The following GPER1 variants were observed in gnomAD, a reference collection of about 807,000 sequenced individuals.
The protein encoded by GPER1 is G protein-coupled estrogen receptor 1, also known as G protein-coupled receptor 30.
GPER1 carries 2 observed loss-of-function variants against 0.6 expected under a neutral mutation model. The observed-to-expected ratio is 3.41, with a 90% CI of 1.39 to 10.72. The LOEUF (loss-of-function observed/expected upper bound fraction) is 10.72, where lower values mean the gene tolerates loss of function less well. Among genes scored for constraint, GPER1 ranks in the 30% most tolerant of loss-of-function variants. The probability of loss-of-function intolerance (pLI) is 0.04; values close to 1 mark genes in which losing one functional copy is unlikely to be tolerated. For missense variants in GPER1, 441 were observed against 535.2 expected, an observed-to-expected ratio of 0.82 and a Z score of 1.74; for synonymous variants, 263 against 247.6, an observed-to-expected ratio of 1.06 and a Z score of -0.58.
chr7:1,087,239 C>T (rs1412209089), upstream of GPER1: 2 of 152,210 alleles, frequency 1.3e-5, no homozygotes, highest in African/African-American at 4.8e-5. Flanking sequence ...AACATCTGGA[C>T]GGCAGGTAAG....
chr7:1,092,564 TC>T lies in GPER1; in HGVS notation c.837del (p.Ser280AlafsTer40). 1 of 1,610,538 alleles carries T rather than the reference TC, an allele frequency of 6.2e-7. No individual in the cohort carries two copies. Among genetic ancestry groups the T allele is most frequent in the East Asian group, 2.2e-5 (1 of 44,888 alleles). ...FVCWLPENVF[I>X]SVHLLQRTQP... ...TGCTGGCTGCCGGAGAACGTCTTCA[TC>T]AGCGTGCACCTCCTGCAGCGGACGC... On this transcript the variant is annotated frameshift_variant, in exon 2 of 2. Transcript: ENST00000397088. LOFTEE classifies it high-confidence loss of function.
At chr7:1,089,283 C>T (rs1787695681) in intron 1 of GPER1, among the ~76,000 whole-genome samples, 1 of 152,218 alleles carries the variant, frequency 6.6e-6, no homozygotes, top group Non-Finnish European at 1.5e-5. Flanking sequence ...TCAAATTCAC[C>T]AGCCCCAGCT....
rs1012863950 is a variant in GPER1 at position 1,090,414 on chromosome 7, C to T, written c.-322-993C>T. Among the ~76,000 whole-genome samples, 9 of 152,296 alleles carry T rather than the reference C, an allele frequency of 5.9e-5. No individual in the cohort carries two copies. The South Asian group carries it at 8.3e-4, about 14-fold the overall frequency. ...GGACCCTCCCCACTGGCGGCAGAGCCGGGGTGACACGGGGCAGGTGACAGG... is the reference window on the plus strand; with the variant it reads ...GGACCCTCCCCACTGGCGGCAGAGCTGGGGTGACACGGGGCAGGTGACAGG... On this transcript the variant is annotated intron_variant, in intron 1 of 1. Transcript: ENST00000397088.
In GPER1 at chr7:1,088,697, C is replaced by CCA. The variant is rs370328156; in HGVS notation, c.-323+380_-323+381dup. Among the ~76,000 whole-genome samples the CCA allele has an allele frequency of 5.4e-3, 826 of 152,294 alleles. 8 individuals carry two copies. The highest frequency in any genetic ancestry group is 0.019 in the African/African-American group (784 of 41,548). On this transcript the variant is annotated intron_variant, in intron 1 of 1. Transcript: ENST00000397088. The surrounding 1 kb of genome is among the most constrained non-coding windows in gnomAD (Gnocchi z 4.5). ...CACCAACCCTGAAGCCCTGGGAGGG[C>CCA]CACACGCCTTTTGACAGATGCAGAC...
chr7:1,091,794 G>T lies in GPER1; in HGVS notation c.66G>T (p.Ala22=). Residue 22 remains alanine, a synonymous_variant, in exon 2 of 2, where the codon GCG becomes GCT. Transcript: ENST00000397088. ...TGTACCCAGGCACCGCGCAGCCTGC[G>T]GCCCCCAACACCACCTCCCCCGAGC... The part of the protein sequence containing the change: ...LEMYPGTAQP[A]APNTTSPELN... 1 of 1,590,914 alleles carries T rather than the reference G, an allele frequency of 6.3e-7. No homozygotes were observed. Among genetic ancestry groups the T allele is most frequent in the Non-Finnish European group, 8.6e-7 (1 of 1,164,952 alleles).
In GPER1 at chr7:1,093,578, AT is replaced by A. The variant is rs1459346239; in HGVS notation, c.*723del. The A allele has an allele frequency of 2.1e-5, 10 of 471,010 alleles. No homozygotes were observed. The highest frequency in any genetic ancestry group is 4.4e-5 in the Non-Finnish European group (10 of 227,070). The allele number at this position is 471,010 out of a possible 1,614,324, so 29.2% of individuals were successfully genotyped here. A position where few individuals can be genotyped will look rare whatever the true frequency, so the allele number is the denominator to read the frequency against. On this transcript the variant is annotated 3_prime_UTR_variant, in exon 2 of 2. Coordinates refer to ENST00000397088, the MANE Select transcript of GPER1 (RefSeq NM_001098201.3). ...GGTGGTTCAGTCACTGCTTGTTGAC[AT>A]CAACATGGCAATTGCACTCATGTGG...
chr7:1,090,066 C>CA (rs59249705), intron 1 of GPER1, among the ~76,000 whole-genome samples: 2,861 of 134,896 alleles, frequency 0.021, 90 homozygotes, highest in East Asian at 0.18. Flanking sequence ...CCTGGGTGAC[C>CA]AAAAAAAAAA....
In GPER1 at chr7:1,093,584, A is replaced by G. The variant is rs1397001306; in HGVS notation, c.*728A>G. 3 of 471,154 alleles carry G rather than the reference A, an allele frequency of 6.4e-6. No homozygotes were observed. Among genetic ancestry groups the G allele is most frequent in the East Asian group, 6.9e-5 (1 of 14,396 alleles). 29.2% of individuals were successfully genotyped at this position (471,154 alleles called of 1,614,324 possible). A position where few individuals can be genotyped will look rare whatever the true frequency, so the allele number is the denominator to read the frequency against. On this transcript the variant is annotated 3_prime_UTR_variant, in exon 2 of 2. Transcript: ENST00000397088. ...TCAGTCACTGCTTGTTGACATCAAC[A>G]TGGCAATTGCACTCATGTGGACTGG...
In GPER1 at chr7:1,091,531, C is replaced by A; in HGVS notation, c.-198C>A. 1.8e-6 allele frequency: 1 copy of A among 570,048 alleles called. No individual in the cohort carries two copies. The highest frequency in any genetic ancestry group is 2.6e-5 in the South Asian group (1 of 39,064). 35.3% of individuals were successfully genotyped at this position (570,048 alleles called of 1,614,324 possible). A position where few individuals can be genotyped will look rare whatever the true frequency, so the allele number is the denominator to read the frequency against. On this transcript the variant is annotated 5_prime_UTR_variant, in exon 2 of 2. Transcript: ENST00000397088. The stretch of plus-strand genomic sequence containing the variant: ...GGATGCACCATGCCGGTGTGAGGAG[C>A]ATCTGTTCTTCCCACTCTCTGCAGT...
rs1237961847 is a variant in GPER1 at position 1,088,878 on chromosome 7, C to T, written c.-323+557C>T. Among the ~76,000 whole-genome samples the T allele has an allele frequency of 1.3e-5, 2 of 151,950 alleles. No individual in the cohort carries two copies. Among genetic ancestry groups the T allele is most frequent in the African/African-American group, 4.8e-5 (2 of 41,376 alleles). ...ACTAGGTTCCTCTCACCCAGGACCA[C>T]ATCAGACACTAGGACACATCAGACA... is the stretch of plus-strand genomic sequence containing the variant. On this transcript the variant is annotated intron_variant, in intron 1 of 1. Transcript: ENST00000397088. This position sits in a 1 kb window ranked among gnomAD's most constrained non-coding sequence, Gnocchi z 4.5.
rs1788167204 is a variant in GPER1, at chr7:1,092,938, A to T, written c.*82A>T. On this transcript the variant is annotated 3_prime_UTR_variant, in exon 2 of 2. Coordinates refer to ENST00000397088, the MANE Select transcript of GPER1 (RefSeq NM_001098201.3). ...GGTGGACACAAGGCACGGCCACGTC[A>T]TGTCTCTAAACTGCGGTCAGATGTG... 1 of 1,322,164 alleles carries T rather than the reference A, an allele frequency of 7.6e-7. No individual in the cohort carries two copies. Among genetic ancestry groups the T allele is most frequent in the South Asian group, 1.2e-5 (1 of 80,832 alleles). The allele number at this position is 1,322,164 out of a possible 1,614,324, so 81.9% of individuals were successfully genotyped here. A position where few individuals can be genotyped will look rare whatever the true frequency, so the allele number is the denominator to read the frequency against.
At position 1,093,483 on chromosome 7, in the gene GPER1, C is replaced by A; in HGVS notation, c.*627C>A. On this transcript the variant is annotated 3_prime_UTR_variant, in exon 2 of 2. Transcript: ENST00000397088. ...GCGCTGTGCGGCCTCACCAGGCCCA[C>A]GAGGAGCAGCAGCGCTCGGCCCGGA... 1 of 469,858 alleles carries A rather than the reference C, an allele frequency of 2.1e-6. No homozygotes were observed. Among genetic ancestry groups the A allele is most frequent in the South Asian group, 1.5e-5 (1 of 64,548 alleles). 29.1% of individuals were successfully genotyped at this position (469,858 alleles called of 1,614,324 possible).
chr7:1,093,646 A>G lies in GPER1; in HGVS notation c.*790A>G, dbSNP rs1563105166. The G allele has an allele frequency of 2.1e-6, 1 of 471,290 alleles. No homozygotes were observed. Among genetic ancestry groups the G allele is most frequent in the East Asian group, 6.9e-5 (1 of 14,396 alleles). The allele number at this position is 471,290 out of a possible 1,614,324, so 29.2% of individuals were successfully genotyped here. ...CTGCCGTGTGGGTTAGTCGGGTGCCAGGACAATGAAATACTCCAGCACCTG... is the reference window on the plus strand; with the variant it reads ...CTGCCGTGTGGGTTAGTCGGGTGCCGGGACAATGAAATACTCCAGCACCTG... On this transcript the variant is annotated 3_prime_UTR_variant, in exon 2 of 2. Transcript: ENST00000397088.
chr7:1,092,712 G>T lies in GPER1; in HGVS notation c.984G>T (p.Gly328=). 6.2e-7 allele frequency: 1 copy of T among 1,613,500 alleles called. No individual in the cohort carries two copies. Among genetic ancestry groups the T allele is most frequent in the Non-Finnish European group, 8.5e-7 (1 of 1,180,010 alleles). The change falls in exon 2 of 2, where the codon GGG becomes GGT. Residue 328 remains glycine, a synonymous_variant. Transcript: ENST00000397088. ...ACCCCCTCATCTACAGCTTTCTCGG[G>T]GAGACCTTCAGGGACAAGCTGAGGC... ...CLNPLIYSFL[G]ETFRDKLRLY...
Position 1,092,110 on chromosome 7 carries a change from G to T in GPER1, c.382G>T (p.Val128Phe). Reference protein sequence around the residue: ...NLHERYYDIAVLCTFMSLFLQ... With the variant: ...NLHERYYDIAFLCTFMSLFLQ... ...GCACGAGCGGTACTACGACATCGCC[G>T]TCCTGTGCACCTTCATGTCGCTCTT... Residue 128 changes from valine to phenylalanine, a missense_variant, in exon 2 of 2, where the codon GTC becomes TTC. Physicochemically the swap from Val to Phe is conservative, Grantham distance 50. Coordinates refer to ENST00000397088, the MANE Select transcript of GPER1 (RefSeq NM_001098201.3). 1 of 1,613,796 alleles carries T rather than the reference G, an allele frequency of 6.2e-7. No individual in the cohort carries two copies. Among genetic ancestry groups the T allele is most frequent in the South Asian group, 1.1e-5 (1 of 91,088 alleles).
Position 1,092,627 on chromosome 7 carries a change from A to G in GPER1, c.899A>G (p.His300Arg). The G allele has an allele frequency of 6.2e-7, 1 of 1,612,364 alleles. No individual in the cohort carries two copies. Among genetic ancestry groups the G allele is most frequent in the Non-Finnish European group, 8.5e-7 (1 of 1,179,924 alleles). Residue 300 changes from histidine to arginine, a missense_variant, in exon 2 of 2, where the codon CAT becomes CGT. Transcript: ENST00000397088. ...GCTCCCTGCAAGCAGTCTTTCCGCC[A>G]TGCCCACCCCCTCACGGGCCACATT... Reference protein sequence around the residue: ...GAAPCKQSFRHAHPLTGHIVN... With the variant: ...GAAPCKQSFRRAHPLTGHIVN...
At position 1,093,279 on chromosome 7, in the gene GPER1, C is replaced by T. The variant is rs757092660; in HGVS notation, c.*423C>T. 5 of 437,414 alleles carry T rather than the reference C, an allele frequency of 1.1e-5. No homozygotes were observed. Among genetic ancestry groups the T allele is most frequent in the African/African-American group, 6.1e-5 (3 of 49,486 alleles). The allele number at this position is 437,414 out of a possible 1,614,324, so 27.1% of individuals were successfully genotyped here. ...AGGAACCCTAAAGCAAATCTGCCAC[C>T]GTGGGGGAACTGACGCTGGAGATGC... On this transcript the variant is annotated 3_prime_UTR_variant, in exon 2 of 2. Coordinates refer to ENST00000397088, the MANE Select transcript of GPER1 (RefSeq NM_001098201.3).
rs758976064 is a variant in GPER1, at chr7:1,092,850, C to T, written c.1122C>T (p.Ala374=). 26 of 1,611,646 alleles carry T rather than the reference C, an allele frequency of 1.6e-5. No homozygotes were observed. Among genetic ancestry groups the T allele is most frequent in the South Asian group, 5.5e-5 (5 of 90,876 alleles). Residue 374 remains alanine (A), a synonymous_variant, in exon 2 of 2, where the codon GCC becomes GCT. Coordinates refer to ENST00000397088, the MANE Select transcript of GPER1 (RefSeq NM_001098201.3). ...TEQSDVRFSS[A]V ...AGTCGGATGTGAGGTTCAGCAGTGC[C>T]GTGTAGACAGCCTTGGCCGCATAGG...
At position 1,088,672 on chromosome 7, in the gene GPER1, C is replaced by T. The variant is rs2128225028; in HGVS notation, c.-323+351C>T. ...TGCCCTGCGGTGCCCCAGTCACTCT[C>T]ACCAACCCTGAAGCCCTGGGAGGGC... On this transcript the variant is annotated intron_variant, in intron 1 of 1. Coordinates refer to ENST00000397088, the MANE Select transcript of GPER1 (RefSeq NM_001098201.3). This position sits in a 1 kb window ranked among gnomAD's most constrained non-coding sequence, Gnocchi z 4.5. Among the ~76,000 whole-genome samples the T allele has an allele frequency of 6.6e-6, 1 of 152,340 alleles. No individual in the cohort carries two copies. The highest frequency in any genetic ancestry group is 2.1e-4 in the South Asian group (1 of 4,828).
Sources: allele counts gnomAD v4.1 joint callset (sites outside exome capture counted in the v4.1 genomes callset), GRCh38; gene constraint gnomAD v4.1.1; non-coding constraint Gnocchi (gnomAD v3.1); transcripts MANE v1.5; gene names NCBI Gene and HGNC (gene_info 2026-07-23, HGNC 2026-07-21).